Variants in CSGALNACT2 observed in about 807,000 individuals in gnomAD.
CSGALNACT2 encodes chondroitin sulfate N-acetylgalactosaminyltransferase 2.
In CSGALNACT2, 35 loss-of-function variants were observed where a neutral mutation model predicts 55.3. That is an observed-to-expected ratio of 0.63 (90% CI 0.48 to 0.84). CSGALNACT2 has a LOEUF of 0.84. Among genes scored for constraint, CSGALNACT2 ranks in the 40% least tolerant of loss-of-function variants. The pLI is 0.00. For synonymous variants in CSGALNACT2, 196 were observed against 224.9 expected (o/e 0.87, Z 1.15); for missense variants, 544 against 657.5 (o/e 0.83, Z 1.89).
chr10:43,153,040 CAGTA>C (rs1185308114), intron 1 of CSGALNACT2, among the ~76,000 whole-genome samples: 5 of 151,896 alleles, frequency 3.3e-5, no homozygotes, highest in Non-Finnish European at 5.9e-5. Context: ...GATTTATAAT[CAGTA>C]AGAGAGATGC....
At chr10:43,159,935 G>A (rs1839108687) in intron 3 of CSGALNACT2, among the ~76,000 whole-genome samples, 1 of 152,184 alleles carries the variant, frequency 6.6e-6, no homozygotes, top group African/African-American at 2.4e-5. Flanking sequence ...CTGGTCTGCA[G>A]CTGAATGTCT....
intron 5 of CSGALNACT2, among the ~76,000 whole-genome samples, chr10:43,164,934 A>AT (rs1171157055): frequency 2.0e-5 from 3 of 152,126 alleles, no homozygotes; most frequent in Admixed American, 6.5e-5. Flanking sequence ...AATTAAAAGT[A>AT]TTAAAGAGGC....
At chr10:43,183,107 C>T (rs758692448) in intron 7 of CSGALNACT2, 143 bp from the exon 8 acceptor site, 99 of 667,856 alleles carry the variant, frequency 1.5e-4, no homozygotes, top group Non-Finnish European at 2.3e-4. Flanking sequence ...CTGGGAGTCA[C>T]TCCTCCATGC....
intron 1 of CSGALNACT2, among the ~76,000 whole-genome samples, chr10:43,143,713 A>G (rs1838682978): frequency 6.6e-6 from 1 of 152,176 alleles, no homozygotes; most frequent in Non-Finnish European, 1.5e-5. Flanking sequence ...ACAGTTTGGC[A>G]CATTTTTCTC....
chr10:43,160,016 T>G (rs1839110763), intron 3 of CSGALNACT2, among the ~76,000 whole-genome samples: 1 of 152,244 alleles, frequency 6.6e-6, no homozygotes, highest in South Asian at 2.1e-4. Context: ...CTAAAGCATT[T>G]TTTTATTGCC....
chr10:43,156,882 C>T (rs910035402), intron 2 of CSGALNACT2, among the ~76,000 whole-genome samples: 2 of 152,222 alleles, frequency 1.3e-5, no homozygotes, highest in Non-Finnish European at 2.9e-5. Flanking sequence ...GGACCAGTAG[C>T]GGTCTGTGGC....
chr10:43,163,332 C>G (rs1564516102), intron 4 of CSGALNACT2: 1 of 706,170 alleles, frequency 1.4e-6, no homozygotes. Flanking sequence ...AATCCCTGCT[C>G]CCACAGAGTG....
intron 2 of CSGALNACT2, among the ~76,000 whole-genome samples, chr10:43,157,064 C>T (rs2914985): frequency 6.6e-6 from 1 of 152,160 alleles, no homozygotes; most frequent in Non-Finnish European, 1.5e-5. Context: ...TTGTGGCCTC[C>T]TCTTTTTTCT....
chr10:43,169,416 A>G (rs1839341542), intron 6 of CSGALNACT2, among the ~76,000 whole-genome samples: 1 of 152,238 alleles, frequency 6.6e-6, no homozygotes, highest in African/African-American at 2.4e-5. Flanking sequence ...CTTTGAGGAG[A>G]TTAGAGAAAA....
intron 7 of CSGALNACT2, among the ~76,000 whole-genome samples, chr10:43,182,308 C>G (rs1839604259): frequency 6.6e-6 from 1 of 152,128 alleles, no homozygotes; most frequent in Admixed American, 6.5e-5. Context: ...ACTACAATGG[C>G]ACCTTTTCCA....
chr10:43,169,278 G>A (rs1426737139), intron 6 of CSGALNACT2, among the ~76,000 whole-genome samples: 1 of 152,114 alleles, frequency 6.6e-6, no homozygotes, highest in Non-Finnish European at 1.5e-5. Context: ...AAAGTGAGTA[G>A]CAATTAACCA....
At chr10:43,160,122 G>A (rs35273368) in intron 3 of CSGALNACT2, among the ~76,000 whole-genome samples, 3,055 of 152,252 alleles carry the variant, frequency 0.02, 49 homozygotes, top group Middle Eastern at 0.041. Context: ...TACAATTTTT[G>A]GAATTAGCCA....
chr10:43,177,029 C>G (rs1320735036), intron 7 of CSGALNACT2, among the ~76,000 whole-genome samples: 5 of 152,188 alleles, frequency 3.3e-5, no homozygotes, highest in Admixed American at 1.3e-4. Context: ...GTCCATATCA[C>G]ATTCGTTTTT....
intron 4 of CSGALNACT2, chr10:43,162,066 AC>A (rs1839161060): frequency 2.0e-6 from 1 of 490,148 alleles, no homozygotes; most frequent in Admixed American, 2.0e-5. Context: ...AGGGATTGTT[AC>A]AACCAAATTT....
At chr10:43,181,589 C>G (rs1417862121) in intron 7 of CSGALNACT2, among the ~76,000 whole-genome samples, 1 of 151,910 alleles carries the variant, frequency 6.6e-6, no homozygotes, top group Non-Finnish European at 1.5e-5. Flanking sequence ...TATTGTCCAT[C>G]CTGTTAATGT....
chr10:43,185,164 A>T lies in CSGALNACT2; in HGVS notation c.*1622A>T, dbSNP rs1453143545. 1.3e-5 allele frequency: 2 copies of T among 152,176 alleles called. No individual in the cohort carries two copies. Among genetic ancestry groups the T allele is most frequent in the African/African-American group, 4.8e-5 (2 of 41,442 alleles). The allele number at this position is 152,176 out of a possible 1,614,324, so 9.4% of individuals were successfully genotyped here. On this transcript the variant is annotated 3_prime_UTR_variant, in exon 8 of 8. Transcript: ENST00000374466. ...TAAGTTACAGCTTGTTTTTTGAGAG[A>T]ATCAAATGAGTTTACTTTTGTTCCT...
At position 43,160,908 on chromosome 10, in the gene CSGALNACT2, T is replaced by C. The variant is rs1223147160; in HGVS notation, c.980+313T>C. Among the ~76,000 whole-genome samples the C allele has an allele frequency of 2.6e-5, 4 of 152,286 alleles. No individual in the cohort carries two copies. The East Asian group carries it at 7.7e-4, about 29-fold the overall frequency. On this transcript the variant is annotated intron_variant, in intron 4 of 7. Transcript: ENST00000374466. The stretch of plus-strand genomic sequence containing the variant: ...GACATAATCATCTTCTGAATTTGTC[T>C]CTTTTTTGTCACCTTTCTTTCCTTC...
chr10:43,174,792 T>G (rs1234089145), intron 6 of CSGALNACT2, among the ~76,000 whole-genome samples: 1 of 152,216 alleles, frequency 6.6e-6, no homozygotes, highest in East Asian at 1.9e-4. Flanking sequence ...TTTACTATTT[T>G]CCCACCCAAA....
intron 7 of CSGALNACT2, among the ~76,000 whole-genome samples, chr10:43,182,432 G>A (rs944890718): frequency 6.6e-6 from 1 of 152,120 alleles, no homozygotes; most frequent in East Asian, 1.9e-4. Context: ...CCTAGGCCCT[G>A]TTTTCCTTCC....
Sources: allele counts gnomAD v4.1 joint callset (sites outside exome capture counted in the v4.1 genomes callset), GRCh38; gene constraint gnomAD v4.1.1; transcripts MANE v1.5; gene names NCBI Gene and HGNC (gene_info 2026-07-23, HGNC 2026-07-21).